Variants in GSR observed in about 807,000 individuals in gnomAD.
GSR encodes the protein glutathione reductase, mitochondrial.
A neutral mutation model predicts 56.5 loss-of-function variants in GSR; 48 were observed. That is an observed-to-expected ratio of 0.85 (90% confidence interval 0.67 to 1.08). GSR has a LOEUF of 1.08. GSR is among the 50% of genes least tolerant of loss of function. The pLI is 0.00. For missense variants in GSR, 694 were observed against 703.3 expected (o/e 0.99, Z 0.15); for synonymous variants, 264 against 270.8 (o/e 0.97, Z 0.25).
intron 1 of GSR, among the ~76,000 whole-genome samples, chr8:30,716,206 A>T (rs1159086843): frequency 6.6e-6 from 1 of 152,208 alleles, no homozygotes; most frequent in Non-Finnish European, 1.5e-5. Flanking sequence ...AGCCTGTCCA[A>T]GATACTGACT....
At chr8:30,680,481 G>A (rs8191035) in intron 12 of GSR, among the ~76,000 whole-genome samples, 46,159 of 138,022 alleles carry the variant, frequency 0.33, 7,833 homozygotes, top group Middle Eastern at 0.43. Context: ...TGCAACCTCC[G>A]CCTCCCAGGT....
At chr8:30,715,900 TTTAAAAAATATG>T (rs1456442605) in intron 1 of GSR, among the ~76,000 whole-genome samples, 1 of 152,232 alleles carries the variant, frequency 6.6e-6, no homozygotes, top group Non-Finnish European at 1.5e-5. Flanking sequence ...TAAAAAAGTT[TTTAAAAAATATG>T]TTTAATTTTA....
intron 8 of GSR, among the ~76,000 whole-genome samples, chr8:30,690,095 AAAT>A (rs1803326321): frequency 7.0e-6 from 1 of 143,806 alleles, no homozygotes; most frequent in African/African-American, 2.6e-5. Flanking sequence ...ATAAATATAT[AAAT>A]AAAATATACA....
At chr8:30,694,951 C>T (rs1462251863) in intron 7 of GSR, among the ~76,000 whole-genome samples, 1 of 151,152 alleles carries the variant, frequency 6.6e-6, no homozygotes, top group African/African-American at 2.4e-5. Flanking sequence ...CACCTGTAGC[C>T]TCAGCTACTT....
intron 6 of GSR, 94 bp from the exon 7 acceptor site, chr8:30,696,573 TCCCTTATTATAC>T: frequency 1.2e-6 from 1 of 818,178 alleles, no homozygotes. Context: ...TACAGAGATT[TCCCTTATTATAC>T]CCCTTGATCA....
At chr8:30,706,204 A>G (rs1388219417) in intron 4 of GSR, among the ~76,000 whole-genome samples, 1 of 151,804 alleles carries the variant, frequency 6.6e-6, no homozygotes, top group South Asian at 2.1e-4. Context: ...ACTGATCTAA[A>G]TATAACCTAA....
At chr8:30,707,788 C>A (rs1306485669) in intron 4 of GSR, among the ~76,000 whole-genome samples, 1 of 151,946 alleles carries the variant, frequency 6.6e-6, no homozygotes. Flanking sequence ...AACCCTGTTT[C>A]TACTAAAAAA....
In GSR at chr8:30,685,113, C is replaced by G. The variant is rs1170423880; in HGVS notation, c.1042-914G>C. On this transcript the variant is annotated intron_variant, in intron 9 of 12. Transcript: ENST00000221130. Reference sequence around the variant, plus strand: ...TAGCTGGGACTACAGGTGCCCGCCGCCACACCCAGCTAATTTTTTTGTATT... The same window carrying G: ...TAGCTGGGACTACAGGTGCCCGCCGGCACACCCAGCTAATTTTTTTGTATT... Among the ~76,000 whole-genome samples the G allele has an allele frequency of 2.0e-5, 3 of 151,938 alleles. No individual in the cohort carries two copies. In the East Asian group the frequency reaches 5.8e-4, roughly 29 times the overall value.
At chr8:30,718,435 G>A (rs912771934) in intron 1 of GSR, among the ~76,000 whole-genome samples, 1 of 152,120 alleles carries the variant, frequency 6.6e-6, no homozygotes, top group African/African-American at 2.4e-5. Flanking sequence ...TCAGAGATAA[G>A]GTATATAAAG....
intron 2 of GSR, among the ~76,000 whole-genome samples, chr8:30,710,882 A>AT (rs1393523272): frequency 1.3e-5 from 2 of 152,030 alleles, no homozygotes; most frequent in African/African-American, 4.8e-5. Context: ...CCAGTGGTAT[A>AT]TTTAAAAAAA....
At chr8:30,699,523 C>T (rs1803656626) in intron 6 of GSR, among the ~76,000 whole-genome samples, 1 of 152,034 alleles carries the variant, frequency 6.6e-6, no homozygotes, top group Non-Finnish European at 1.5e-5. Context: ...TGTCTCACTG[C>T]AACTCCGCCT....
At chr8:30,681,800 A>G in intron 11 of GSR, 130 bp downstream of exon 11, 1 of 840,818 alleles carries the variant, frequency 1.2e-6, no homozygotes. Context: ...CTGTGACAAG[A>G]GAGTAACCAA....
In GSR at chr8:30,689,253, G is replaced by A; in HGVS notation, c.949C>T (p.Leu317=). Residue 317 remains leucine (L), a synonymous_variant, in exon 9 of 13, where the codon CTA becomes TTA. Coordinates refer to ENST00000221130, the MANE Select transcript of GSR (RefSeq NM_000637.5). The part of the protein sequence containing the change: ...VSMVTAVPGR[L]PVMTMIPDVD... ...TCTGGAATCATGGTCATGACTGGTAGCCTACCGGGAACTGCAGTAACCATG... is the reference window on the plus strand; with the variant it reads ...TCTGGAATCATGGTCATGACTGGTAACCTACCGGGAACTGCAGTAACCATG... 6.2e-7 allele frequency: 1 copy of A among 1,613,670 alleles called. No individual in the cohort carries two copies. The highest frequency in any genetic ancestry group is 1.6e-4 in the Middle Eastern group (1 of 6,062).
intron 1 of GSR, among the ~76,000 whole-genome samples, chr8:30,712,736 AC>A (rs1262310397): frequency 6.6e-6 from 1 of 152,228 alleles, no homozygotes; most frequent in Non-Finnish European, 1.5e-5. Flanking sequence ...GTGAATACTC[AC>A]CAAAAGCACA....
intron 4 of GSR, among the ~76,000 whole-genome samples, chr8:30,706,442 G>A (rs1245961897): frequency 2.0e-5 from 3 of 152,126 alleles, no homozygotes; most frequent in South Asian, 4.1e-4. Context: ...GGCAGAGGTC[G>A]CAGTGAGCCG....
intron 3 of GSR, 55 bp from the exon 4 acceptor site, chr8:30,708,196 T>C: frequency 1.6e-6 from 2 of 1,259,686 alleles, no homozygotes; most frequent in Non-Finnish European, 2.3e-6. Context: ...TTCTAGTTAG[T>C]AACTAAGGCA....
chr8:30,723,417 A>G (rs1586073372), intron 1 of GSR, among the ~76,000 whole-genome samples: 4 of 152,102 alleles, frequency 2.6e-5, no homozygotes, highest in East Asian at 3.9e-4. Flanking sequence ...GCTTGAGCCC[A>G]GGAGTTTGAG....
intron 7 of GSR, among the ~76,000 whole-genome samples, chr8:30,696,096 G>A (rs986657019): frequency 7.9e-5 from 12 of 152,060 alleles, no homozygotes; most frequent in African/African-American, 2.7e-4. Context: ...TTAGCTAATA[G>A]TTATGTTTAG....
At chr8:30,693,993 T>C (rs983074932) in intron 7 of GSR, among the ~76,000 whole-genome samples, 1 of 152,170 alleles carries the variant, frequency 6.6e-6, no homozygotes, top group African/African-American at 2.4e-5. Flanking sequence ...ACTGCTGCAG[T>C]TTATTTACTT....
Sources: allele counts gnomAD v4.1 joint callset (sites outside exome capture counted in the v4.1 genomes callset), GRCh38; gene constraint gnomAD v4.1.1; transcripts MANE v1.5; gene names NCBI Gene and HGNC (gene_info 2026-07-23, HGNC 2026-07-21).